Variants in KAT6A observed in about 807,000 individuals in gnomAD.
KAT6A encodes histone acetyltransferase KAT6A.
Under a neutral mutation model 198.4 loss-of-function variants are expected in KAT6A, and 9 were observed. That is an observed-to-expected ratio of 0.05 (90% CI 0.03 to 0.08). The LOEUF (loss-of-function observed/expected upper bound fraction) is 0.08. Among genes scored for constraint, KAT6A ranks in the 10% least tolerant of loss-of-function variants. The pLI, the probability that KAT6A is intolerant of heterozygous loss-of-function variation, is 1.00. For synonymous variants in KAT6A, 890 were observed against 883.0 expected, an observed-to-expected ratio of 1.01 and a Z score of -0.14; for missense variants, 2,077 against 2,509.9, an observed-to-expected ratio of 0.83 and a Z score of 3.69.
intron 2 of KAT6A, among the ~76,000 whole-genome samples, chr8:41,991,881 A>G (rs552908601): frequency 3.9e-5 from 6 of 152,130 alleles, no homozygotes; most frequent in East Asian, 1.9e-4. Flanking sequence ...AGCACCTGAG[A>G]AAAAAAAGGA....
rs1823288520 is a variant in KAT6A at position 41,963,023 on chromosome 8, C to A, written c.1483-7612G>T. On this transcript the variant is annotated intron_variant, in intron 8 of 16. Coordinates refer to ENST00000265713, the MANE Select transcript of KAT6A (RefSeq NM_006766.5). ...TACATTAATCCTCTCCCTCTGAATT[C>A]TCCCTCTTCCTCCCCTGCTTTTTCT... Among the ~76,000 whole-genome samples the A allele has an allele frequency of 2.0e-5, 3 of 152,188 alleles. No homozygotes were observed. The South Asian group carries it at 6.2e-4, about 32-fold the overall frequency.
intron 2 of KAT6A, among the ~76,000 whole-genome samples, chr8:42,014,389 C>A (rs912109281): frequency 6.6e-6 from 1 of 152,202 alleles, no homozygotes; most frequent in Non-Finnish European, 1.5e-5. Context: ...ATCATCTATA[C>A]CCATACTATA....
intron 9 of KAT6A, among the ~76,000 whole-genome samples, chr8:41,952,831 T>A (rs879687950): frequency 7.9e-5 from 12 of 152,176 alleles, no homozygotes; most frequent in East Asian, 1.9e-4. Flanking sequence ...ATAATTTTTT[T>A]AAAAAATGTA....
intron 12 of KAT6A, among the ~76,000 whole-genome samples, chr8:41,944,782 A>G (rs1407159353): frequency 6.6e-6 from 1 of 152,238 alleles, no homozygotes; most frequent in East Asian, 1.9e-4. Context: ...ATTTAATGGC[A>G]TATATAACAT....
intron 8 of KAT6A, among the ~76,000 whole-genome samples, chr8:41,965,149 T>C (rs879539395): frequency 6.6e-6 from 1 of 152,230 alleles, no homozygotes; most frequent in Non-Finnish European, 1.5e-5. Context: ...ACTGTGTTAA[T>C]GGAAACAGGT....
chr8:41,977,708 AC>A (rs1824131612), intron 6 of KAT6A, among the ~76,000 whole-genome samples: 3 of 152,220 alleles, frequency 2.0e-5, no homozygotes, highest in Admixed American at 2.0e-4. Context: ...AAGTTCTACT[AC>A]ACTGTGATCT....
chr8:41,972,592 C>T (rs1823850439), intron 8 of KAT6A, among the ~76,000 whole-genome samples: 1 of 152,176 alleles, frequency 6.6e-6, no homozygotes, highest in South Asian at 2.1e-4. Flanking sequence ...AAAGTGATGA[C>T]ATTCTATAAA....
At chr8:42,023,916 A>G (rs1474839283) in intron 2 of KAT6A, among the ~76,000 whole-genome samples, 1 of 152,108 alleles carries the variant, frequency 6.6e-6, no homozygotes, top group Non-Finnish European at 1.5e-5. Flanking sequence ...CAGGGTCAGG[A>G]TCATCAATAT....
rs1049515020 is a variant in KAT6A, at chr8:41,972,260, T to C, written c.1482+2444A>G. Among the ~76,000 whole-genome samples the C allele has an allele frequency of 1.3e-4, 20 of 152,288 alleles. No homozygotes were observed. The Middle Eastern group carries it at 0.01, about 78-fold the overall frequency. ...CAATTAATAAATGGCAAAGAAATGA[T>C]AGAATTAGAAAATAATGTTTGGCCA... On this transcript the variant is annotated intron_variant, in intron 8 of 16. Coordinates refer to ENST00000265713, the MANE Select transcript of KAT6A (RefSeq NM_006766.5).
intron 8 of KAT6A, among the ~76,000 whole-genome samples, chr8:41,966,842 T>C (rs1396391269): frequency 6.6e-6 from 1 of 152,146 alleles, no homozygotes; most frequent in South Asian, 2.1e-4. Context: ...CAGGATGTTA[T>C]TGTGATTAAG....
chr8:41,966,345 AGAGT>A (rs1823487675), intron 8 of KAT6A, among the ~76,000 whole-genome samples: 1 of 152,098 alleles, frequency 6.6e-6, no homozygotes, highest in South Asian at 2.1e-4. Flanking sequence ...CACCGTCAGA[AGAGT>A]TAGTACAGTA....
intron 2 of KAT6A, among the ~76,000 whole-genome samples, chr8:41,991,811 G>T (rs901316200): frequency 6.6e-6 from 1 of 152,068 alleles, no homozygotes; most frequent in African/African-American, 2.4e-5. Flanking sequence ...AGGGTAGAAA[G>T]TAAGGAGAGG....
chr8:41,965,862 G>A (rs74942801), intron 8 of KAT6A, among the ~76,000 whole-genome samples: 2,342 of 152,238 alleles, frequency 0.015, 58 homozygotes, highest in African/African-American at 0.052. Context: ...TCTCCTTGAT[G>A]CTGCTGAAAG....
intron 2 of KAT6A, among the ~76,000 whole-genome samples, chr8:42,028,341 C>T (rs1826942904): frequency 3.3e-5 from 5 of 152,142 alleles, no homozygotes; most frequent in Admixed American, 2.6e-4. Flanking sequence ...TTGAAGTCCC[C>T]AACTATTACC....
chr8:41,958,699 G>C (rs1823046801), intron 8 of KAT6A, among the ~76,000 whole-genome samples: 2 of 152,138 alleles, frequency 1.3e-5, no homozygotes. Context: ...AGCCCTAGTA[G>C]GATTTGGAGC....
intron 8 of KAT6A, among the ~76,000 whole-genome samples, chr8:41,964,185 C>G (rs746228161): frequency 6.6e-6 from 1 of 152,114 alleles, no homozygotes; most frequent in Non-Finnish European, 1.5e-5. Context: ...TGAAACTTAA[C>G]AATTTATAAC....
chr8:42,021,351 G>A (rs1366882313), intron 2 of KAT6A, among the ~76,000 whole-genome samples: 1 of 152,134 alleles, frequency 6.6e-6, no homozygotes, highest in Non-Finnish European at 1.5e-5. Context: ...AAGGAAGTCA[G>A]CACTATTTCT....
intron 2 of KAT6A, among the ~76,000 whole-genome samples, chr8:42,013,318 C>T (rs973277275): frequency 1.3e-4 from 19 of 149,958 alleles, no homozygotes; most frequent in Non-Finnish European, 2.7e-4. Flanking sequence ...TGCAGTGGCG[C>T]GATCTTGGCT....
intron 2 of KAT6A, among the ~76,000 whole-genome samples, chr8:42,045,575 A>AC (rs1457887450): frequency 6.6e-6 from 1 of 151,794 alleles, no homozygotes; most frequent in African/African-American, 2.4e-5. Flanking sequence ...AAAAAAAAAA[A>AC]AAACAAAAAA....
Sources: allele counts gnomAD v4.1 joint callset (sites outside exome capture counted in the v4.1 genomes callset), GRCh38; gene constraint gnomAD v4.1.1; transcripts MANE v1.5; gene names NCBI Gene and HGNC (gene_info 2026-07-23, HGNC 2026-07-21).